Variants in ADD1 observed in about 807,000 individuals in gnomAD.
ADD1 encodes the protein adducin 1, also known as alpha-adducin.
In ADD1, 24 loss-of-function variants were observed where a neutral mutation model predicts 80.5. The observed-to-expected ratio is 0.30, with a 90% CI of 0.22 to 0.42. The LOEUF (loss-of-function observed/expected upper bound fraction) is 0.42. Among genes scored for constraint, ADD1 ranks in the 10% least tolerant of loss-of-function variants. The pLI, the probability that ADD1 is intolerant of heterozygous loss-of-function variation, is 1.00. For synonymous variants in ADD1, 373 were observed against 393.8 expected, an observed-to-expected ratio of 0.95 and a Z score of 0.63; for missense variants, 948 against 1,019.0, an observed-to-expected ratio of 0.93 and a Z score of 0.95.
In ADD1 at chr4:2,898,193, A is replaced by G. The variant is rs1735573866; in HGVS notation, c.751A>G (p.Met251Val). The change falls in exon 7 of 16, where the codon ATG (methionine) becomes GTG (valine). Residue 251 changes from methionine to valine, a missense_variant. Transcript: ENST00000683351. The part of the protein sequence containing the change: ...HTPAGAAVSA[M>V]KCGLLPISPE... ...ACCATTTGGTCTCTAGGTCTCTGCA[A>G]TGAAATGTGGCCTCTTGCCAATCTC... is the stretch of plus-strand genomic sequence containing the variant. 1 of 1,613,260 alleles carries G rather than the reference A, an allele frequency of 6.2e-7. No individual in the cohort carries two copies. The highest frequency in any genetic ancestry group is 1.1e-5 in the South Asian group (1 of 91,044).
Position 2,928,816 on chromosome 4 carries a change from C to T in ADD1, c.*293C>T, listed in dbSNP as rs2109250387. The T allele has an allele frequency of 2.7e-6, 1 of 371,948 alleles. No individual in the cohort carries two copies. Among genetic ancestry groups the T allele is most frequent in the South Asian group, 4.1e-5 (1 of 24,324 alleles). 23.0% of individuals were successfully genotyped at this position (371,948 alleles called of 1,614,324 possible). A position where few individuals can be genotyped will look rare whatever the true frequency, so the allele number is the denominator to read the frequency against. The stretch of plus-strand genomic sequence containing the variant: ...CCTGGCTGGAAGGTACTGAAGGCTT[C>T]TGCAGCTTTGGCTGCACGTCACCCT... On this transcript the variant is annotated 3_prime_UTR_variant, in exon 16 of 16. Transcript: ENST00000683351.
intron 13 of ADD1, among the ~76,000 whole-genome samples, chr4:2,912,083 GC>G (rs1738172119): frequency 1.3e-5 from 2 of 152,202 alleles, no homozygotes; most frequent in Non-Finnish European, 2.9e-5. Context: ...GAGGTCAGCC[GC>G]TAGTGCAGGT....
At chr4:2,907,896 A>G in intron 11 of ADD1, 52 bp downstream of exon 11, 1 of 1,454,210 alleles carries the variant, frequency 6.9e-7, no homozygotes, top group Non-Finnish European at 9.7e-7. Flanking sequence ...ATTGGAAGGG[A>G]TGCCAGCTGC....
chr4:2,928,460 A>G lies in ADD1; in HGVS notation c.2337A>G (p.Lys779=). 1 of 1,613,708 alleles carries G rather than the reference A, an allele frequency of 6.2e-7. No individual in the cohort carries two copies. Among genetic ancestry groups the G allele is most frequent in the Non-Finnish European group, 8.5e-7 (1 of 1,179,996 alleles). ...SDGSPGKSPS[K]KKKKFRTPSF... The stretch of plus-strand genomic sequence containing the variant: ...GGTCTCCAGGCAAGTCCCCGTCCAA[A>G]AAGAAGAAGAAGTTCCGTACCCCGT... Residue 779 remains lysine (K), a synonymous_variant, in exon 16 of 16, where the codon AAA becomes AAG. Coordinates refer to ENST00000683351, the MANE Select transcript of ADD1 (RefSeq NM_001354761.2).
At chr4:2,865,403 G>A (rs114439993) in intron 1 of ADD1, among the ~76,000 whole-genome samples, 396 of 152,320 alleles carry the variant, frequency 2.6e-3, no homozygotes, top group Non-Finnish European at 4.2e-3. Flanking sequence ...ATCCTCAGAA[G>A]TTTCAGAGTT....
chr4:2,867,506 T>C (rs1729729286), intron 1 of ADD1, among the ~76,000 whole-genome samples: 1 of 152,242 alleles, frequency 6.6e-6, no homozygotes, highest in African/African-American at 2.4e-5. Flanking sequence ...AGATTCTTGC[T>C]TCTCCACTTA....
intron 4 of ADD1, chr4:2,887,703 T>C (rs1463934658): frequency 6.6e-6 from 1 of 152,248 alleles, no homozygotes; most frequent in African/African-American, 2.4e-5. Context: ...AGGGACGTGA[T>C]AGTGGTCTCC....
At chr4:2,925,992 T>C (rs1189696338) in intron 14 of ADD1, 22 bp from the exon 15 acceptor site, 2 of 1,610,110 alleles carry the variant, frequency 1.2e-6, no homozygotes, top group East Asian at 2.2e-5. Context: ...GCTCCTACCA[T>C]ATCCTTCTTG....
At chr4:2,870,269 C>T (rs1284214306) in intron 1 of ADD1, among the ~76,000 whole-genome samples, 1 of 152,144 alleles carries the variant, frequency 6.6e-6, no homozygotes, top group African/African-American at 2.4e-5. Flanking sequence ...ATGGATCATC[C>T]CAGGGCTGCA....
At chr4:2,914,759 G>A (rs910170483) in intron 13 of ADD1, 125 bp from the exon 14 acceptor site, 98 of 1,108,580 alleles carry the variant, frequency 8.8e-5, no homozygotes, top group Non-Finnish European at 1.2e-4. Context: ...CCATGGCAGT[G>A]CAGTCTCAGG....
In ADD1 at chr4:2,876,123, G is replaced by A; in HGVS notation, c.195+13G>A. 1 of 1,606,934 alleles carries A rather than the reference G, an allele frequency of 6.2e-7. No individual in the cohort carries two copies. The highest frequency in any genetic ancestry group is 8.5e-7 in the Non-Finnish European group (1 of 1,176,988). Reference sequence around the variant, plus strand: ...TCTGCAAAGCCCTGTGAGAAGAGAAGTCTTTTCTCTGACCAGATGTCATCT... The same window carrying A: ...TCTGCAAAGCCCTGTGAGAAGAGAAATCTTTTCTCTGACCAGATGTCATCT... On this transcript the variant is annotated intron_variant, in intron 2 of 15. Transcript: ENST00000683351.
At position 2,926,438 on chromosome 4, in the gene ADD1, C is replaced by A; in HGVS notation, c.2047+326C>A. 1 of 691,744 alleles carries A rather than the reference C, an allele frequency of 1.4e-6. No individual in the cohort carries two copies. Among genetic ancestry groups the A allele is most frequent in the Admixed American group, 2.0e-5 (1 of 48,980 alleles). The allele number at this position is 691,744 out of a possible 1,614,324, so 42.9% of individuals were successfully genotyped here. On this transcript the variant is annotated intron_variant, in intron 15 of 15. Coordinates refer to ENST00000683351, the MANE Select transcript of ADD1 (RefSeq NM_001354761.2). The surrounding 1 kb of genome is among the most constrained non-coding windows in gnomAD (Gnocchi z 5.0). ...ATGCCACCTTCGGAGGTGCCCTCCG[C>A]TGTGTGAGCCACACGCCGGCTGCCT...
chr4:2,881,739 G>A (rs571398031), intron 2 of ADD1, 159 bp from the exon 3 acceptor site: 8 of 484,516 alleles, frequency 1.7e-5, no homozygotes, highest in East Asian at 3.4e-5. Context: ...AGAAAAGAAT[G>A]TACCAGTTTA....
chr4:2,874,824 C>T (rs1454886697), intron 1 of ADD1, among the ~76,000 whole-genome samples: 1 of 152,180 alleles, frequency 6.6e-6, no homozygotes, highest in East Asian at 1.9e-4. Flanking sequence ...AGTTCAGCAG[C>T]ATTGGTATCA....
chr4:2,899,291 C>T lies in ADD1; in HGVS notation c.1017C>T (p.Asp339=), dbSNP rs1735775050. The change falls in exon 9 of 16, where the codon GAC becomes GAT. Residue 339 remains aspartate, a synonymous_variant. Transcript: ENST00000683351. ...VRTLASAGGP[D]NLVLLNPEKY... Reference sequence around the variant, plus strand: ...CTCTGGCCAGTGCAGGAGGACCAGACAACTTAGTCCTGCTGAATCCTGAGA... The same window carrying T: ...CTCTGGCCAGTGCAGGAGGACCAGATAACTTAGTCCTGCTGAATCCTGAGA... 2 of 1,613,748 alleles carry T rather than the reference C, an allele frequency of 1.2e-6. No individual in the cohort carries two copies. Among genetic ancestry groups the T allele is most frequent in the East Asian group, 2.2e-5 (1 of 44,874 alleles).
rs768496845 is a variant in ADD1 at position 2,881,972 on chromosome 4, A to G, written c.270A>G (p.Ala90=). The G allele has an allele frequency of 1.9e-6, 3 of 1,613,520 alleles. No homozygotes were observed. Among genetic ancestry groups the G allele is most frequent in the Non-Finnish European group, 2.5e-6 (3 of 1,179,872 alleles). Residue 90 remains alanine, a synonymous_variant, in exon 3 of 16, where the codon GCA becomes GCG. Transcript: ENST00000683351. The part of the protein sequence containing the change: ...KKGKNPTGLL[A]LQQIADFMTT... ...GGAAGAACCCCACAGGCCTATTGGC[A>G]TTACAGCAGATTGCAGATTTTATGA...
At chr4:2,888,502 A>G (rs925048110) in intron 4 of ADD1, among the ~76,000 whole-genome samples, 3 of 150,188 alleles carry the variant, frequency 2.0e-5, no homozygotes, top group Non-Finnish European at 4.4e-5. Flanking sequence ...CTCAACCTCT[A>G]CCTTCCGAGT....
intron 1 of ADD1, among the ~76,000 whole-genome samples, chr4:2,874,339 G>T (rs991401415): frequency 4.6e-5 from 7 of 152,196 alleles, no homozygotes; most frequent in Non-Finnish European, 1.0e-4. Flanking sequence ...GGGGGCGGTG[G>T]CTAACGCCTA....
intron 1 of ADD1, among the ~76,000 whole-genome samples, chr4:2,852,774 C>T (rs1475354367): frequency 6.8e-6 from 1 of 146,310 alleles, no homozygotes; most frequent in African/African-American, 2.5e-5. Flanking sequence ...TCTTGGCTCT[C>T]ACTGCAGCCT....
Sources: gnomAD v4.1 joint callset for allele counts (sites outside exome capture counted in the v4.1 genomes callset) on GRCh38, gnomAD v4.1.1 for gene constraint, Gnocchi (gnomAD v3.1) non-coding constraint, MANE v1.5 for transcripts, NCBI Gene and HGNC (gene_info 2026-07-23, HGNC 2026-07-21) for gene names.